Variants in DDX4 observed in about 807,000 individuals in gnomAD.
DDX4 encodes the protein DEAD-box helicase 4.
A neutral mutation model predicts 100.0 loss-of-function variants in DDX4; 25 were observed. The observed-to-expected ratio is 0.25, with a 90% CI of 0.18 to 0.35. The LOEUF (loss-of-function observed/expected upper bound fraction) is 0.35, where lower values mean the gene tolerates loss of function less well. DDX4 is among the 10% of genes least tolerant of loss of function. The probability of loss-of-function intolerance (pLI) is 1.00; values close to 1 mark genes in which losing one functional copy is unlikely to be tolerated. For synonymous variants in DDX4, 259 were observed against 275.7 expected (o/e 0.94, Z 0.60); for missense variants, 635 against 882.4 (o/e 0.72, Z 3.55).
At chr5:55,783,483 G>A (rs1249823886) in intron 10 of DDX4, among the ~76,000 whole-genome samples, 2 of 152,078 alleles carry the variant, frequency 1.3e-5, no homozygotes, top group African/African-American at 4.8e-5. Context: ...AACCAGAAAG[G>A]TAATATATAG....
At chr5:55,804,143 T>A (rs958483393) in intron 18 of DDX4, among the ~76,000 whole-genome samples, 1 of 152,152 alleles carries the variant, frequency 6.6e-6, no homozygotes, top group African/African-American at 2.4e-5. Context: ...TCTGTTCATG[T>A]CCTTTGCCCA....
intron 10 of DDX4, 35 bp from the exon 11 acceptor site, chr5:55,785,262 C>G: frequency 6.8e-7 from 1 of 1,475,458 alleles, no homozygotes; most frequent in Non-Finnish European, 9.4e-7. Context: ...AGCCTTACAT[C>G]TTGACCGATT....
At chr5:55,810,738 C>A (rs936999957) in intron 18 of DDX4, among the ~76,000 whole-genome samples, 1 of 152,058 alleles carries the variant, frequency 6.6e-6, no homozygotes, top group African/African-American at 2.4e-5. Context: ...TTTCCTGGGG[C>A]TCTCTCTGAG....
Position 55,738,953 on chromosome 5 carries a change from T to G in DDX4, c.-11T>G, listed in dbSNP as rs894541470. On this transcript the variant is annotated 5_prime_UTR_variant, in exon 2 of 22. Coordinates refer to ENST00000505374, the MANE Select transcript of DDX4 (RefSeq NM_024415.3). ...ATTTTTTTTTTTTTATGAATAGAAC[T>G]TGAAGCCACCATGGGAGATGAAGAT... is the stretch of plus-strand genomic sequence containing the variant. The G allele has an allele frequency of 1.9e-6, 3 of 1,568,656 alleles. No individual in the cohort carries two copies. Among genetic ancestry groups the G allele is most frequent in the Non-Finnish European group, 2.6e-6 (3 of 1,141,294 alleles).
intron 7 of DDX4, among the ~76,000 whole-genome samples, chr5:55,772,172 C>G (rs1741294802): frequency 6.6e-6 from 1 of 152,202 alleles, no homozygotes; most frequent in African/African-American, 2.4e-5. Flanking sequence ...GATTGCGCCA[C>G]TGCACTCCAG....
intron 7 of DDX4, among the ~76,000 whole-genome samples, chr5:55,778,722 C>T (rs976160500): frequency 1.3e-5 from 2 of 152,032 alleles, no homozygotes; most frequent in African/African-American, 2.4e-5. Context: ...GGTGAAACCC[C>T]GTCTCTACTG....
rs535583472 is a variant in DDX4 at position 55,806,217 on chromosome 5, C to A, written c.1616-7456C>A. ...CATCTATTTGATTCTTCTCTCTTTT[C>A]TTCTTTATTAGTCTTGCTAGCAGTC... On this transcript the variant is annotated intron_variant, in intron 18 of 21. Coordinates refer to ENST00000505374, the MANE Select transcript of DDX4 (RefSeq NM_024415.3). Among the ~76,000 whole-genome samples the A allele has an allele frequency of 1.1e-3, 170 of 152,108 alleles. 4 individuals carry two copies. In the South Asian group the frequency reaches 0.035, roughly 31 times the overall value.
Position 55,815,153 on chromosome 5 carries a change from A to T in DDX4, c.1968A>T (p.Leu656=). 1 of 1,614,154 alleles carries T rather than the reference A, an allele frequency of 6.2e-7. No individual in the cohort carries two copies. The highest frequency in any genetic ancestry group is 8.5e-7 in the Non-Finnish European group (1 of 1,180,020). ...CGGATAACCATTTAGCACAGCCTCT[A>T]GTAAAAGTATTGACAGATGTAAGTT... ...LESDNHLAQP[L]VKVLTDAQQD... is the part of the protein sequence containing the mutation. The change falls in exon 20 of 22, where the codon CTA becomes CTT. Residue 656 remains leucine (L), a synonymous_variant. Coordinates refer to ENST00000505374, the MANE Select transcript of DDX4 (RefSeq NM_024415.3).
intron 2 of DDX4, among the ~76,000 whole-genome samples, chr5:55,745,395 G>T (rs1278198459): frequency 6.6e-6 from 1 of 152,004 alleles, no homozygotes; most frequent in Non-Finnish European, 1.5e-5. Flanking sequence ...TTACTTGTCA[G>T]ATTTTATAAT....
At chr5:55,814,018 T>G (rs1393275602) in intron 19 of DDX4, among the ~76,000 whole-genome samples, 1 of 152,188 alleles carries the variant, frequency 6.6e-6, no homozygotes, top group African/African-American at 2.4e-5. Flanking sequence ...AAGGTCTGCC[T>G]TACTCTCAAA....
chr5:55,744,694 A>G (rs1046507580), intron 2 of DDX4, among the ~76,000 whole-genome samples: 9 of 152,186 alleles, frequency 5.9e-5, no homozygotes, highest in African/African-American at 2.2e-4. Flanking sequence ...AACAGTTAGT[A>G]TTTGGGAGCA....
intron 21 of DDX4, among the ~76,000 whole-genome samples, 194 bp from the exon 22 acceptor site, chr5:55,816,269 T>A (rs147584881): frequency 2.2e-4 from 33 of 152,334 alleles, no homozygotes; most frequent in African/African-American, 7.9e-4. Context: ...TTTGTGCAAT[T>A]TAGATTTCCT....
chr5:55,785,532 T>C, intron 12 of DDX4, 38 bp downstream of exon 12: 1 of 1,468,006 alleles, frequency 6.8e-7, no homozygotes, highest in East Asian at 2.3e-5. Context: ...AGAAGTATGT[T>C]GTGTTTTAAT....
intron 19 of DDX4, among the ~76,000 whole-genome samples, chr5:55,814,455 A>G (rs539071174): frequency 1.4e-4 from 22 of 152,304 alleles, no homozygotes; most frequent in African/African-American, 5.1e-4. Context: ...AGGAATTAGT[A>G]TAGTACCTGG....
chr5:55,801,187 C>T (rs1189579142), intron 18 of DDX4, among the ~76,000 whole-genome samples: 2 of 149,092 alleles, frequency 1.3e-5, no homozygotes, highest in African/African-American at 2.5e-5. Context: ...AACGCAAATT[C>T]GTAACCTTTC....
intron 3 of DDX4, among the ~76,000 whole-genome samples, chr5:55,749,799 A>G (rs959692609): frequency 2.8e-5 from 4 of 142,546 alleles, no homozygotes; most frequent in African/African-American, 7.7e-5. Context: ...ATTCTTTTGT[A>G]TGTGTGTGTC....
chr5:55,795,322 C>A lies in DDX4; in HGVS notation c.1469+2515C>A, dbSNP rs183797454. Among the ~76,000 whole-genome samples, 6 of 152,326 alleles carry A rather than the reference C, an allele frequency of 3.9e-5. No individual in the cohort carries two copies. In the East Asian group the frequency reaches 1.2e-3, roughly 29 times the overall value. On this transcript the variant is annotated intron_variant, in intron 17 of 21. Coordinates refer to ENST00000505374, the MANE Select transcript of DDX4 (RefSeq NM_024415.3). The stretch of plus-strand genomic sequence containing the variant: ...GTTCTCCCAGATGAATGACTAGTAA[C>A]TCACGTTCATGTCCAAAATAGAACG...
chr5:55,800,533 C>G (rs568721046), intron 18 of DDX4, among the ~76,000 whole-genome samples: 12 of 152,104 alleles, frequency 7.9e-5, no homozygotes, highest in Non-Finnish European at 1.8e-4. Context: ...ACCGTGTTAG[C>G]CAGGATGGTC....
intron 3 of DDX4, 123 bp downstream of exon 3, chr5:55,746,344 C>T (rs1759248803): frequency 8.4e-6 from 6 of 713,812 alleles, no homozygotes; most frequent in Non-Finnish European, 1.3e-5. Flanking sequence ...AGTGAAAGTT[C>T]CTTCTGATTT....
Sources: allele counts gnomAD v4.1 joint callset (sites outside exome capture counted in the v4.1 genomes callset), GRCh38; gene constraint gnomAD v4.1.1; transcripts MANE v1.5; gene names NCBI Gene and HGNC (gene_info 2026-07-23, HGNC 2026-07-21).